SLAIN1: variants seen among roughly 807,000 people sequenced by gnomAD.
The protein encoded by SLAIN1 is SLAIN motif-containing protein 1.
SLAIN1 carries 17 observed loss-of-function variants against 55.4 expected under a neutral mutation model. That is an observed-to-expected ratio of 0.31 (90% CI 0.21 to 0.46). SLAIN1 has a LOEUF of 0.46. SLAIN1 is among the 20% of genes least tolerant of loss of function. The pLI is 1.00. For synonymous variants in SLAIN1, 348 were observed against 337.4 expected, an observed-to-expected ratio of 1.03 and a Z score of -0.35; for missense variants, 682 against 785.1, an observed-to-expected ratio of 0.87 and a Z score of 1.57.
At chr13:77,746,433 T>C in intron 3 of SLAIN1, 81 bp from the exon 4 acceptor site, 1 of 1,245,150 alleles carries the variant, frequency 8.0e-7, no homozygotes, top group Non-Finnish European at 1.1e-6. Context: ...TTTGGCACAA[T>C]TTTTCATCTA....
intron 1 of SLAIN1, among the ~76,000 whole-genome samples, chr13:77,703,137 G>T (rs563281718): frequency 6.6e-6 from 1 of 152,180 alleles, no homozygotes; most frequent in East Asian, 1.9e-4. Flanking sequence ...ACAATTAACA[G>T]AACATTGAGA....
chr13:77,752,405 A>G (rs1280960937), intron 4 of SLAIN1, among the ~76,000 whole-genome samples: 3 of 151,622 alleles, frequency 2.0e-5, no homozygotes, highest in South Asian at 2.1e-4. Flanking sequence ...CACTTATTGA[A>G]TAGGAACAGA....
intron 2 of SLAIN1, chr13:77,741,310 C>T (rs1167834223): frequency 2.0e-6 from 2 of 987,228 alleles, no homozygotes; most frequent in African/African-American, 3.5e-5. Flanking sequence ...GAACAGCTAC[C>T]TAGTGTGTGT....
At chr13:77,744,573 C>T in intron 3 of SLAIN1, 141 bp downstream of exon 3, 1 of 1,299,460 alleles carries the variant, frequency 7.7e-7, no homozygotes, top group Middle Eastern at 2.2e-4. Context: ...TTAGGTGGAG[C>T]CAGTTATATG....
intron 5 of SLAIN1, among the ~76,000 whole-genome samples, chr13:77,756,047 G>A (rs1306366958): frequency 1.3e-5 from 2 of 152,140 alleles, no homozygotes; most frequent in Admixed American, 1.3e-4. Flanking sequence ...CAAAGACCTG[G>A]TTTTGGGTCT....
intron 1 of SLAIN1, among the ~76,000 whole-genome samples, chr13:77,717,307 G>T (rs1349662264): frequency 6.6e-6 from 1 of 152,016 alleles, no homozygotes; most frequent in African/African-American, 2.4e-5. Flanking sequence ...TCTGATTTTG[G>T]TGTCAAGGTA....
intron 1 of SLAIN1, among the ~76,000 whole-genome samples, chr13:77,718,330 C>T (rs551960575): frequency 1.3e-5 from 2 of 152,188 alleles, no homozygotes; most frequent in East Asian, 3.9e-4. Context: ...TTTAAAGGAA[C>T]ACAGCCACGT....
chr13:77,701,820 G>A (rs1261183728), intron 1 of SLAIN1, among the ~76,000 whole-genome samples: 2 of 150,372 alleles, frequency 1.3e-5, no homozygotes, highest in African/African-American at 4.9e-5. Flanking sequence ...ACATTGTGCA[G>A]GTTAGTTACA....
chr13:77,719,462 T>C (rs2091240494), intron 1 of SLAIN1, 70 bp from the exon 2 acceptor site: 1 of 1,095,238 alleles, frequency 9.1e-7, no homozygotes, highest in Non-Finnish European at 1.3e-6. Flanking sequence ...AAATACATGT[T>C]GCTTTCCCCA....
chr13:77,713,041 C>T (rs1404138860), intron 1 of SLAIN1, among the ~76,000 whole-genome samples: 1 of 152,142 alleles, frequency 6.6e-6, no homozygotes, highest in South Asian at 2.1e-4. Flanking sequence ...CTTCCTTACA[C>T]CTTATGCAAA....
chr13:77,719,945 A>G (rs2091245810), intron 2 of SLAIN1, among the ~76,000 whole-genome samples: 2 of 152,034 alleles, frequency 1.3e-5, no homozygotes, highest in Admixed American at 1.3e-4. Context: ...TCTGTTTGCA[A>G]ATATACCAGT....
rs2090996640 is a variant in SLAIN1 at position 77,698,464 on chromosome 13, C to T, written c.551C>T (p.Pro184Leu). Residue 184 changes from proline (P) to leucine (L), a missense_variant, in exon 1 of 7, where the codon CCC becomes CTC. Transcript: ENST00000418532. This position sits in a 1 kb window ranked among gnomAD's most constrained non-coding sequence, Gnocchi z 4.1. ...GCTGCAGCGCCGCCCTCGCCGCCCC[C>T]CACGCTGCTGGACGAGGTGGAATTG... ...GAAAAPPSPP[P>L]TLLDEVELLD... The T allele has an allele frequency of 6.9e-6, 10 of 1,447,368 alleles. No individual in the cohort carries two copies. Among genetic ancestry groups the T allele is most frequent in the Non-Finnish European group, 9.0e-6 (10 of 1,105,296 alleles). The allele number at this position is 1,447,368 out of a possible 1,614,324, so 89.7% of individuals were successfully genotyped here. A position where few individuals can be genotyped will look rare whatever the true frequency, so the allele number is the denominator to read the frequency against.
chr13:77,753,640 A>G (rs554448983), intron 5 of SLAIN1, among the ~76,000 whole-genome samples: 1 of 152,170 alleles, frequency 6.6e-6, no homozygotes, highest in South Asian at 2.1e-4. Flanking sequence ...TGTTATTTGT[A>G]TAATAATAGT....
intron 1 of SLAIN1, among the ~76,000 whole-genome samples, chr13:77,700,381 C>T (rs1480426630): frequency 6.6e-6 from 1 of 152,092 alleles, no homozygotes; most frequent in Non-Finnish European, 1.5e-5. Context: ...AAATCAAAGC[C>T]TTGATGCTTT....
At chr13:77,726,890 A>G (rs2091312590) in intron 2 of SLAIN1, among the ~76,000 whole-genome samples, 1 of 152,232 alleles carries the variant, frequency 6.6e-6, no homozygotes, top group African/African-American at 2.4e-5. Context: ...TAGTGTTGTT[A>G]TAAGGAAATA....
At chr13:77,740,816 T>A (rs1873388152) in intron 2 of SLAIN1, among the ~76,000 whole-genome samples, 1 of 152,104 alleles carries the variant, frequency 6.6e-6, no homozygotes, top group South Asian at 2.1e-4. Context: ...ATTCTTTAGC[T>A]ATGTACTGAA....
intron 1 of SLAIN1, among the ~76,000 whole-genome samples, chr13:77,701,649 A>G (rs190884207): frequency 3.7e-4 from 56 of 152,270 alleles, no homozygotes; most frequent in Non-Finnish European, 1.8e-4. Context: ...TGTTGCCTTA[A>G]TACTACCTGA....
chr13:77,720,716 A>T (rs1375082496), intron 2 of SLAIN1, among the ~76,000 whole-genome samples: 2 of 152,180 alleles, frequency 1.3e-5, no homozygotes, highest in African/African-American at 4.8e-5. Flanking sequence ...ATACTCAGGG[A>T]CAGAGTCAGA....
intron 1 of SLAIN1, among the ~76,000 whole-genome samples, chr13:77,712,077 TAAG>T (rs1275169190): frequency 6.6e-6 from 1 of 152,166 alleles, no homozygotes; most frequent in African/African-American, 2.4e-5. Flanking sequence ...CTCAAAATAA[TAAG>T]AGCTATTTAT....
Sources: allele counts gnomAD v4.1 joint callset (sites outside exome capture counted in the v4.1 genomes callset), GRCh38; gene constraint gnomAD v4.1.1; non-coding constraint Gnocchi (gnomAD v3.1); transcripts MANE v1.5; gene names NCBI Gene and HGNC (gene_info 2026-07-23, HGNC 2026-07-21).